Variants in UNC5D observed in about 807,000 individuals in gnomAD.
UNC5D encodes unc-5 netrin receptor D, also known as netrin receptor UNC5D.
In UNC5D, 39 loss-of-function variants were observed where a neutral mutation model predicts 105.4. That is an observed-to-expected ratio of 0.37 (90% confidence interval 0.29 to 0.48). The LOEUF (loss-of-function observed/expected upper bound fraction) is 0.48. Among genes scored for constraint, UNC5D ranks in the 20% least tolerant of loss-of-function variants. The pLI is 0.98. For missense variants in UNC5D, 991 were observed against 1,202.4 expected (o/e 0.82, Z 2.60); for synonymous variants, 452 against 450.4 (o/e 1.00, Z -0.04).
intron 1 of UNC5D, among the ~76,000 whole-genome samples, chr8:35,391,068 G>A (rs1803740784): frequency 2.0e-5 from 3 of 152,208 alleles, no homozygotes; most frequent in African/African-American, 7.2e-5. Flanking sequence ...ACAGGAGGGA[G>A]TAAAATCTGG....
intron 13 of UNC5D, among the ~76,000 whole-genome samples, chr8:35,751,699 T>G (rs1169792488): frequency 6.6e-6 from 1 of 152,152 alleles, no homozygotes; most frequent in Non-Finnish European, 1.5e-5. Flanking sequence ...CGTGTTACTG[T>G]GTGGTCAGCA....
chr8:35,774,318 C>G lies in UNC5D; in HGVS notation c.2498C>G (p.Thr833Ser). The G allele has an allele frequency of 6.2e-7, 1 of 1,614,112 alleles. No homozygotes were observed. Among genetic ancestry groups the G allele is most frequent in the Non-Finnish European group, 8.5e-7 (1 of 1,179,982 alleles). The change falls in exon 16 of 17, where the codon ACT (threonine) becomes AGT (serine). Residue 833 changes from threonine (T) to serine (S), a missense_variant. Around this residue, in one of 3 missense-constraint regions of UNC5D, gnomAD observed 944 missense variants for 1,131.6 expected, o/e 0.83. Coordinates refer to ENST00000404895, the MANE Select transcript of UNC5D (RefSeq NM_080872.4). ...SILESERETI[T>S]FFAQEDSTFP... is the part of the protein sequence containing the mutation. The stretch of plus-strand genomic sequence containing the variant: ...TTATAGAGTGAACGAGAAACCATCA[C>G]TTTCTTCGCACAAGAGGACAGCACT...
At chr8:35,753,535 G>A (rs1830384110) in intron 13 of UNC5D, among the ~76,000 whole-genome samples, 1 of 152,156 alleles carries the variant, frequency 6.6e-6, no homozygotes, top group African/African-American at 2.4e-5. Flanking sequence ...TTACAGGCGT[G>A]AGCCACCATG....
chr8:35,311,765 G>A (rs775408323), intron 1 of UNC5D, among the ~76,000 whole-genome samples: 1 of 152,130 alleles, frequency 6.6e-6, no homozygotes, highest in Non-Finnish European at 1.5e-5. Flanking sequence ...AAGGAATAGA[G>A]AAGGAAGACC....
chr8:35,553,381 A>G (rs1816308693), intron 2 of UNC5D, among the ~76,000 whole-genome samples: 1 of 152,166 alleles, frequency 6.6e-6, no homozygotes, highest in Admixed American at 6.5e-5. Flanking sequence ...AGCCAATAAA[A>G]GACATATTTC....
chr8:35,563,791 T>C (rs1008460495), intron 2 of UNC5D, among the ~76,000 whole-genome samples: 2 of 152,144 alleles, frequency 1.3e-5, no homozygotes, highest in African/African-American at 4.8e-5. Context: ...ATGTTCTTTC[T>C]ATGTATAATT....
At chr8:35,632,755 A>C (rs1822121670) in intron 4 of UNC5D, among the ~76,000 whole-genome samples, 2 of 152,118 alleles carry the variant, frequency 1.3e-5, no homozygotes, top group African/African-American at 4.8e-5. Context: ...CTCAGATGTT[A>C]CCACTTTACA....
At chr8:35,646,827 A>C (rs899049696) in intron 4 of UNC5D, among the ~76,000 whole-genome samples, 1 of 152,166 alleles carries the variant, frequency 6.6e-6, no homozygotes, top group Non-Finnish European at 1.5e-5. Flanking sequence ...TAAAAGAATA[A>C]CTCTGACTTA....
intron 1 of UNC5D, among the ~76,000 whole-genome samples, chr8:35,388,169 T>C (rs2128938388): frequency 6.6e-6 from 1 of 151,202 alleles, no homozygotes; most frequent in Non-Finnish European, 1.5e-5. Flanking sequence ...AGGTCAGGAG[T>C]TCAAGACCAA....
At chr8:35,519,378 G>A (rs1457012514) in intron 1 of UNC5D, among the ~76,000 whole-genome samples, 2 of 152,062 alleles carry the variant, frequency 1.3e-5, no homozygotes, top group African/African-American at 4.8e-5. Flanking sequence ...TGTCCCATCT[G>A]CTTAGCAGGC....
At chr8:35,447,940 C>T (rs927987145) in intron 1 of UNC5D, among the ~76,000 whole-genome samples, 1 of 152,060 alleles carries the variant, frequency 6.6e-6, no homozygotes, top group Non-Finnish European at 1.5e-5. Flanking sequence ...AAATAATACT[C>T]TTCTGTCTGA....
At chr8:35,495,458 C>CAAAAAAAAAAAAAAAAAAAAAAAAAAAA (rs71547636) in intron 1 of UNC5D, among the ~76,000 whole-genome samples, 1 of 44,632 alleles carries the variant, frequency 2.2e-5, no homozygotes, top group Non-Finnish European at 3.8e-5. Context: ...ACAACAACAA[C>CAAAAAAAAAAAAAAAAAAAAAAAAAAAA]AAAAAAAAAA....
In UNC5D at chr8:35,463,689, G is replaced by T. The variant is rs555493400; in HGVS notation, c.104-85603G>T. ...CCGTCCCAGCTACTTGAGAGGCTGAGGTATTCGGATCACTTGAACCCAAGA... is the reference window on the plus strand; with the variant it reads ...CCGTCCCAGCTACTTGAGAGGCTGATGTATTCGGATCACTTGAACCCAAGA... On this transcript the variant is annotated intron_variant, in intron 1 of 16. Coordinates refer to ENST00000404895, the MANE Select transcript of UNC5D (RefSeq NM_080872.4). 1.3e-3 allele frequency among the ~76,000 whole-genome samples: 195 copies of T among 151,700 alleles called. 1 individual carries two copies. The highest frequency in any genetic ancestry group is 4.5e-3 in the African/African-American group (186 of 41,346).
In UNC5D at chr8:35,395,762, C is replaced by T. The variant is rs556847241; in HGVS notation, c.104-153530C>T. Among the ~76,000 whole-genome samples the T allele has an allele frequency of 9.8e-5, 15 of 152,312 alleles. 1 individual carries two copies. The South Asian group carries it at 2.9e-3, about 29-fold the overall frequency. On this transcript the variant is annotated intron_variant, in intron 1 of 16. Coordinates refer to ENST00000404895, the MANE Select transcript of UNC5D (RefSeq NM_080872.4). ...CATTCAGCACAAAAATCTGCAGGCA[C>T]TTCCTCAGCCTCTGACTTTATTTTC...
At chr8:35,549,647 A>G in intron 2 of UNC5D, 137 bp downstream of exon 2, 1 of 801,626 alleles carries the variant, frequency 1.2e-6, no homozygotes, top group South Asian at 1.8e-5. Context: ...CCCAGCATAT[A>G]AGATGCAATC....
chr8:35,785,043 G>A (rs1802680869), intron 16 of UNC5D, among the ~76,000 whole-genome samples: 1 of 151,654 alleles, frequency 6.6e-6, no homozygotes, highest in South Asian at 2.1e-4. Context: ...TTTTGCTAAT[G>A]TTCTGGTTCC....
At chr8:35,447,905 G>A (rs919499906) in intron 1 of UNC5D, among the ~76,000 whole-genome samples, 2 of 151,984 alleles carry the variant, frequency 1.3e-5, no homozygotes, top group African/African-American at 4.8e-5. Flanking sequence ...CTGAAGGTAT[G>A]GAAATCAAGC....
At chr8:35,694,630 ACTAAT>A (rs1442956330) in intron 7 of UNC5D, among the ~76,000 whole-genome samples, 1 of 152,206 alleles carries the variant, frequency 6.6e-6, no homozygotes, top group Non-Finnish European at 1.5e-5. Context: ...GAGAAGATAA[ACTAAT>A]CTGAGTGAAG....
At chr8:35,335,135 T>C (rs1488441817) in intron 1 of UNC5D, among the ~76,000 whole-genome samples, 1 of 152,248 alleles carries the variant, frequency 6.6e-6, no homozygotes, top group African/African-American at 2.4e-5. Context: ...TTTTTCTTGC[T>C]GAATAGTATA....
Sources: allele counts gnomAD v4.1 joint callset (sites outside exome capture counted in the v4.1 genomes callset), GRCh38; gene constraint gnomAD v4.1.1; regional missense constraint gnomAD v4.1.1; transcripts MANE v1.5; gene names NCBI Gene and HGNC (gene_info 2026-07-23, HGNC 2026-07-21).